The following DDX60 variants were observed in gnomAD, a reference collection of about 807,000 sequenced individuals.
DDX60 encodes the protein probable ATP-dependent RNA helicase DDX60.
In DDX60, 165 loss-of-function variants were observed where a neutral mutation model predicts 212.8. That is an observed-to-expected ratio of 0.78 (90% CI 0.68 to 0.88). The LOEUF (loss-of-function observed/expected upper bound fraction) is 0.88. Among genes scored for constraint, DDX60 ranks in the 40% least tolerant of loss-of-function variants. The probability of loss-of-function intolerance (pLI) is 0.00; values close to 1 mark genes in which losing one functional copy is unlikely to be tolerated. For missense variants in DDX60, 1,905 were observed against 2,003.9 expected (o/e 0.95, Z 0.94); for synonymous variants, 703 against 685.3 (o/e 1.03, Z -0.40).
At chr4:168,221,988 C>T in intron 35 of DDX60, 107 bp from the exon 36 acceptor site, 1 of 1,172,936 alleles carries the variant, frequency 8.5e-7, no homozygotes, top group Non-Finnish European at 1.2e-6. Flanking sequence ...TTTTTAAAGC[C>T]CACTCTTCAC....
chr4:168,253,970 C>T (rs1295949479), intron 26 of DDX60, among the ~76,000 whole-genome samples: 1 of 152,170 alleles, frequency 6.6e-6, no homozygotes. Flanking sequence ...ACTTGTATGT[C>T]ATCATTACGT....
chr4:168,261,606 TAAG>T (rs1052301971), intron 24 of DDX60, among the ~76,000 whole-genome samples: 13 of 152,126 alleles, frequency 8.5e-5, no homozygotes, highest in Admixed American at 3.9e-4. Context: ...CAACTTGAAA[TAAG>T]AAGAAGAAAA....
rs890342546 is a variant in DDX60 at position 168,313,872 on chromosome 4, T to C, written c.-106-2507A>G. On this transcript the variant is annotated intron_variant, in intron 1 of 37. Transcript: ENST00000393743. ...AATATACATAGATTAAAAGGAATAA[T>C]ATAGTTTTTATAATGAAATATAACT... 3.3e-5 allele frequency among the ~76,000 whole-genome samples: 5 copies of C among 152,314 alleles called. No homozygotes were observed. In the South Asian group the frequency reaches 1.0e-3, roughly 32 times the overall value.
At chr4:168,270,442 G>C (rs1735040427) in intron 19 of DDX60, among the ~76,000 whole-genome samples, 1 of 152,220 alleles carries the variant, frequency 6.6e-6, no homozygotes, top group Non-Finnish European at 1.5e-5. Context: ...GCACTAGATA[G>C]CACTGTTCCC....
Position 168,221,897 on chromosome 4 carries a change from T to G in DDX60, c.4825-16A>C. ...CTAGAGTAACCTGAAAAAATACGAT[T>G]ATTCTTAATGTATTATTTATGTATA... On this transcript the variant is annotated splice_polypyrimidine_tract_variant and intron_variant, in intron 35 of 37. Coordinates refer to ENST00000393743, the MANE Select transcript of DDX60 (RefSeq NM_017631.6). The G allele has an allele frequency of 1.9e-6, 3 of 1,603,208 alleles. No homozygotes were observed. The highest frequency in any genetic ancestry group is 2.6e-6 in the Non-Finnish European group (3 of 1,172,188).
chr4:168,221,022 G>C (rs1459520171), intron 36 of DDX60, among the ~76,000 whole-genome samples: 2 of 152,048 alleles, frequency 1.3e-5, no homozygotes, highest in African/African-American at 2.4e-5. Context: ...GACTCAAAAG[G>C]GAAGAAACAG....
intron 33 of DDX60, among the ~76,000 whole-genome samples, chr4:168,234,233 T>C (rs914747760): frequency 2.6e-5 from 4 of 152,124 alleles, no homozygotes; most frequent in Non-Finnish European, 5.9e-5. Context: ...TTTAAAACTA[T>C]GGTGTGTTAT....
At chr4:168,282,022 A>C (rs1579045115) in intron 13 of DDX60, among the ~76,000 whole-genome samples, 3 of 152,244 alleles carry the variant, frequency 2.0e-5, no homozygotes, top group Non-Finnish European at 1.5e-5. Context: ...ACAACAACAA[A>C]AAAACTGAAA....
chr4:168,226,614 A>G (rs1235532648), intron 33 of DDX60, among the ~76,000 whole-genome samples: 2 of 152,164 alleles, frequency 1.3e-5, no homozygotes, highest in South Asian at 4.1e-4. Flanking sequence ...TAATAATCAC[A>G]TCAGGGTAAA....
chr4:168,285,315 G>A, intron 11 of DDX60, 78 bp downstream of exon 11: 1 of 843,996 alleles, frequency 1.2e-6, no homozygotes, highest in Non-Finnish European at 1.9e-6. Flanking sequence ...CTAATCGTCT[G>A]CATTTCAAAT....
chr4:168,222,949 T>C (rs1425141623), intron 35 of DDX60, among the ~76,000 whole-genome samples: 1 of 151,798 alleles, frequency 6.6e-6, no homozygotes, highest in Non-Finnish European at 1.5e-5. Context: ...TAAAAGAGAG[T>C]TCGACGTTAC....
chr4:168,276,306 G>A (rs182875370), intron 14 of DDX60, 125 bp from the exon 15 acceptor site: 1 of 694,214 alleles, frequency 1.4e-6, no homozygotes, highest in Middle Eastern at 4.1e-4. Context: ...TTTTGGAGTA[G>A]AAAGGACCAA....
chr4:168,298,262 A>T (rs1736496537), intron 6 of DDX60, among the ~76,000 whole-genome samples: 1 of 152,084 alleles, frequency 6.6e-6, no homozygotes, highest in Admixed American at 6.6e-5. Context: ...TCAAGACCAA[A>T]CGTATCAGTC....
Position 168,293,838 on chromosome 4 carries a change from G to A in DDX60, c.831C>T (p.Arg277=). ...SCSLSLRMYH[R]FLGNREPSSG... ...AGGAGGGCTCTCTGTTTCCTAAAAAGCGATGGTACATTCTCAAAGATAATG... is the reference window on the plus strand; with the variant it reads ...AGGAGGGCTCTCTGTTTCCTAAAAAACGATGGTACATTCTCAAAGATAATG... The change falls in exon 7 of 38, where the codon CGC becomes CGT. Residue 277 remains arginine, a synonymous_variant. Coordinates refer to ENST00000393743, the MANE Select transcript of DDX60 (RefSeq NM_017631.6). The A allele has an allele frequency of 1.2e-6, 2 of 1,613,900 alleles. No individual in the cohort carries two copies. Among genetic ancestry groups the A allele is most frequent in the Non-Finnish European group, 1.7e-6 (2 of 1,179,932 alleles).
At chr4:168,245,877 A>G (rs1734002735) in intron 30 of DDX60, among the ~76,000 whole-genome samples, 1 of 152,172 alleles carries the variant, frequency 6.6e-6, no homozygotes, top group African/African-American at 2.4e-5. Context: ...TCAGTGTTTA[A>G]AAATCAAATG....
chr4:168,243,739 G>T (rs555662600), intron 30 of DDX60, among the ~76,000 whole-genome samples: 2 of 152,256 alleles, frequency 1.3e-5, no homozygotes, highest in Admixed American at 1.3e-4. Flanking sequence ...ACTTGACCCA[G>T]CAATTCCATT....
chr4:168,228,391 G>T (rs1305247850), intron 33 of DDX60, among the ~76,000 whole-genome samples: 1 of 151,724 alleles, frequency 6.6e-6, no homozygotes, highest in Non-Finnish European at 1.5e-5. Flanking sequence ...TATAACTATT[G>T]ATATAGCTAT....
rs771066749 is a variant in DDX60, at chr4:168,287,203, C to T, written c.1184G>A (p.Gly395Asp). 32 of 1,601,542 alleles carry T rather than the reference C, an allele frequency of 2.0e-5. No homozygotes were observed. The highest frequency in any genetic ancestry group is 2.6e-5 in the Non-Finnish European group (30 of 1,173,610). The stretch of plus-strand genomic sequence containing the variant: ...GGTATCTCCCAAATTCAAATGTAGG[C>T]CTACATAACAATTAAAAACACTAAA... ...AFYYENENVK[G>D]LHLNLGDTIM... Residue 395 changes from glycine (G) to aspartate (D), a missense_variant and splice_region_variant, in exon 10 of 38, where the codon GGC (glycine) becomes GAC (aspartate). Transcript: ENST00000393743.
intron 26 of DDX60, among the ~76,000 whole-genome samples, chr4:168,253,140 C>T (rs984682094): frequency 6.6e-6 from 1 of 152,166 alleles, no homozygotes; most frequent in Non-Finnish European, 1.5e-5. Context: ...TCCTCTAATG[C>T]CCTTCCTTTT....
Sources: gnomAD v4.1 joint callset for allele counts (sites outside exome capture counted in the v4.1 genomes callset) on GRCh38, gnomAD v4.1.1 for gene constraint, MANE v1.5 for transcripts, NCBI Gene and HGNC (gene_info 2026-07-23, HGNC 2026-07-21) for gene names.